Variants in CSMD1 observed in about 807,000 individuals in gnomAD.
CSMD1 encodes CUB and sushi domain-containing protein 1.
CSMD1 carries 213 observed loss-of-function variants against 417.5 expected under a neutral mutation model. That is an observed-to-expected ratio of 0.51 (90% CI 0.46 to 0.57). The LOEUF (loss-of-function observed/expected upper bound fraction) is 0.57, where lower values mean the gene tolerates loss of function less well. CSMD1 is among the 20% of genes least tolerant of loss of function. The pLI is 0.00. For synonymous variants in CSMD1, 2,862 were observed against 1,736.8 expected, an observed-to-expected ratio of 1.65 and a Z score of -16.11; for missense variants, 6,923 against 4,529.7, an observed-to-expected ratio of 1.53 and a Z score of -15.17.
At chr8:4,806,905 G>A (rs1195983504) in intron 1 of CSMD1, among the ~76,000 whole-genome samples, 2 of 152,270 alleles carry the variant, frequency 1.3e-5, no homozygotes, top group East Asian at 3.9e-4. Context: ...AGTTGAATGA[G>A]CAAGTACAGA....
intron 3 of CSMD1, among the ~76,000 whole-genome samples, chr8:4,193,292 C>A (rs1019479124): frequency 6.6e-6 from 1 of 152,094 alleles, no homozygotes; most frequent in Non-Finnish European, 1.5e-5. Context: ...ATTAAAATAC[C>A]ATGCCCATAA....
chr8:3,447,154 G>C (rs570532729), intron 12 of CSMD1, among the ~76,000 whole-genome samples: 9 of 152,174 alleles, frequency 5.9e-5, no homozygotes, highest in Admixed American at 5.9e-4. Context: ...AAAGAGCCAC[G>C]GGCACTGATG....
At chr8:4,274,501 GTTTC>G (rs1284596987) in intron 3 of CSMD1, among the ~76,000 whole-genome samples, 1 of 151,988 alleles carries the variant, frequency 6.6e-6, no homozygotes, top group African/African-American at 2.4e-5. Context: ...GCAAATAACT[GTTTC>G]TTTAATATTT....
intron 12 of CSMD1, among the ~76,000 whole-genome samples, chr8:3,462,208 G>C (rs1028819243): frequency 1.3e-5 from 2 of 151,998 alleles, no homozygotes; most frequent in Non-Finnish European, 2.9e-5. Context: ...GTCCCTCCCT[G>C]GGGGCCACCC....
rs907733330 is a variant in CSMD1, at chr8:4,144,633, G to A, written c.416-112534C>T. 5.3e-5 allele frequency among the ~76,000 whole-genome samples: 8 copies of A among 150,966 alleles called. 1 individual carries two copies. Among genetic ancestry groups the A allele is most frequent in the African/African-American group, 2.0e-4 (8 of 40,332 alleles). ...ACAAGCTTGTTCTTGTTTGTCTGGAGCTTCTTTTTATCAGGAGATAATCAG... is the reference window on the plus strand; with the variant it reads ...ACAAGCTTGTTCTTGTTTGTCTGGAACTTCTTTTTATCAGGAGATAATCAG... On this transcript the variant is annotated intron_variant, in intron 3 of 69. Coordinates refer to ENST00000635120, the MANE Select transcript of CSMD1 (RefSeq NM_033225.6).
chr8:3,814,474 T>G (rs1451142415), intron 5 of CSMD1, among the ~76,000 whole-genome samples: 1 of 152,186 alleles, frequency 6.6e-6, no homozygotes, highest in African/African-American at 2.4e-5. Context: ...GCACACTCCA[T>G]AGCTTTCAAC....
intron 7 of CSMD1, among the ~76,000 whole-genome samples, chr8:3,665,301 G>A (rs1353851078): frequency 1.3e-5 from 2 of 152,112 alleles, no homozygotes; most frequent in East Asian, 3.9e-4. Flanking sequence ...AGGCTGAGGT[G>A]GGCGGATGGC....
intron 49 of CSMD1, among the ~76,000 whole-genome samples, chr8:3,060,885 C>T (rs920713073): frequency 1.3e-4 from 20 of 152,252 alleles, no homozygotes; most frequent in Non-Finnish European, 2.4e-4. Context: ...TGTGATGACA[C>T]GGCATTCCTC....
intron 5 of CSMD1, among the ~76,000 whole-genome samples, chr8:3,791,304 G>C (rs944512700): frequency 6.6e-6 from 1 of 152,020 alleles, no homozygotes. Flanking sequence ...ATAAATTTAG[G>C]TATCTGAATT....
chr8:3,794,622 T>TG (rs985556900), intron 5 of CSMD1, among the ~76,000 whole-genome samples: 96 of 151,904 alleles, frequency 6.3e-4, no homozygotes, highest in Non-Finnish European at 1.1e-3. Flanking sequence ...ATAATTATTT[T>TG]TTAATTTGCT....
At chr8:4,855,476 A>C (rs1032857798) in intron 1 of CSMD1, among the ~76,000 whole-genome samples, 1 of 152,178 alleles carries the variant, frequency 6.6e-6, no homozygotes, top group Non-Finnish European at 1.5e-5. Context: ...CAGCTACGGG[A>C]GGACATTCAA....
chr8:4,258,894 T>G (rs1177169345), intron 3 of CSMD1, among the ~76,000 whole-genome samples: 1 of 152,178 alleles, frequency 6.6e-6, no homozygotes, highest in Non-Finnish European at 1.5e-5. Context: ...GCCATGTGTT[T>G]TAAACTTTGC....
intron 17 of CSMD1, among the ~76,000 whole-genome samples, chr8:3,395,406 T>A (rs190588875): frequency 6.6e-6 from 1 of 152,260 alleles, no homozygotes; most frequent in East Asian, 1.9e-4. Context: ...TTGGCTAATG[T>A]TAAAAATGTA....
At chr8:4,566,405 T>G (rs10094585) in intron 2 of CSMD1, among the ~76,000 whole-genome samples, 151,956 of 151,988 alleles carry the variant, frequency 1, 75,962 homozygotes, top group Middle Eastern at 1. Context: ...TGTAATCCCA[T>G]CACTTTGGGA....
intron 26 of CSMD1, among the ~76,000 whole-genome samples, chr8:3,246,952 G>T (rs182927333): frequency 6.6e-6 from 1 of 152,112 alleles, no homozygotes; most frequent in Non-Finnish European, 1.5e-5. Flanking sequence ...ACAATTTATT[G>T]CTTATAGAAC....
chr8:4,275,774 A>C (rs531912804), intron 3 of CSMD1, among the ~76,000 whole-genome samples: 2 of 152,338 alleles, frequency 1.3e-5, no homozygotes, highest in African/African-American at 4.8e-5. Context: ...CACAGAATAA[A>C]AACTCTAAAA....
intron 3 of CSMD1, among the ~76,000 whole-genome samples, chr8:4,378,379 C>T (rs920438005): frequency 6.6e-6 from 1 of 152,194 alleles, no homozygotes; most frequent in Non-Finnish European, 1.5e-5. Context: ...GAAATTAGCT[C>T]ACTCGTTTGC....
At chr8:4,601,819 T>A (rs2617098) in intron 2 of CSMD1, among the ~76,000 whole-genome samples, 15,289 of 152,162 alleles carry the variant, frequency 0.1, 2,001 homozygotes, top group African/African-American at 0.31. Context: ...TGTCTGAGCA[T>A]GTCTGAGGTT....
chr8:4,431,396 G>T lies in CSMD1; in HGVS notation c.303-11331C>A, dbSNP rs112832473. ...GAATTCATTGCACTTAGAACCATAC[G>T]CACAAACTTAGATTGAAGGAGGAAC... On this transcript the variant is annotated intron_variant, in intron 2 of 69. Coordinates refer to ENST00000635120, the MANE Select transcript of CSMD1 (RefSeq NM_033225.6). 3.7e-4 allele frequency among the ~76,000 whole-genome samples: 57 copies of T among 152,130 alleles called. 1 individual carries two copies. The highest frequency in any genetic ancestry group is 1.3e-3 in the African/African-American group (56 of 41,510).
Sources: allele counts gnomAD v4.1 joint callset (sites outside exome capture counted in the v4.1 genomes callset), GRCh38; gene constraint gnomAD v4.1.1; transcripts MANE v1.5; gene names NCBI Gene and HGNC (gene_info 2026-07-23, HGNC 2026-07-21).